Variants in SLC51A observed in about 807,000 individuals in gnomAD.
The protein encoded by SLC51A is solute carrier family 51 member A, also known as organic solute transporter subunit alpha.
Under a neutral mutation model 34.8 loss-of-function variants are expected in SLC51A, and 22 were observed. The ratio of observed to expected loss-of-function variants is 0.63; its 90% CI spans 0.45 to 0.90. The LOEUF is 0.90. Among genes scored for constraint, SLC51A ranks in the 40% least tolerant of loss-of-function variants. The pLI, the probability that SLC51A is intolerant of heterozygous loss-of-function variation, is 0.00. For missense variants in SLC51A, 371 were observed against 414.8 expected, an observed-to-expected ratio of 0.89 and a Z score of 0.92; for synonymous variants, 181 against 176.3, an observed-to-expected ratio of 1.03 and a Z score of -0.21.
intron 1 of SLC51A, among the ~76,000 whole-genome samples, chr3:196,217,120 G>A (rs759205950): frequency 6.6e-6 from 1 of 152,338 alleles, no homozygotes; most frequent in East Asian, 1.9e-4. Context: ...TGCCCGACCC[G>A]CATGGAGAGA....
At chr3:196,225,034 T>C (rs1450916269) in intron 2 of SLC51A, among the ~76,000 whole-genome samples, 1 of 151,522 alleles carries the variant, frequency 6.6e-6, no homozygotes, top group African/African-American at 2.4e-5. Flanking sequence ...CCTTTTTTTT[T>C]TTTTTTCACC....
chr3:196,223,226 A>G (rs146910433), intron 2 of SLC51A, among the ~76,000 whole-genome samples: 155 of 151,950 alleles, frequency 1.0e-3, no homozygotes, highest in African/African-American at 3.5e-3. Context: ...GAAAAAGTCT[A>G]TGAAATGCAG....
In SLC51A at chr3:196,216,696, C is replaced by T. The variant is rs373715815; in HGVS notation, c.-17C>T. The T allele has an allele frequency of 5.1e-6, 8 of 1,561,044 alleles. No individual in the cohort carries two copies. The African/African-American group carries it at 9.5e-5, about 19-fold the overall frequency. Reference sequence around the variant, plus strand: ...CCTCACCCCGGTGCCTGCGGGATTGCTGGAGAGAACGCGGCGATGGAGCCG... The same window carrying T: ...CCTCACCCCGGTGCCTGCGGGATTGTTGGAGAGAACGCGGCGATGGAGCCG... On this transcript the variant is annotated 5_prime_UTR_variant, in exon 1 of 9. Coordinates refer to ENST00000296327, the MANE Select transcript of SLC51A (RefSeq NM_152672.6). The surrounding 1 kb of genome is among the most constrained non-coding windows in gnomAD (Gnocchi z 4.5).
chr3:196,233,045 T>C lies in SLC51A; in HGVS notation c.887-18T>C. ...GTAACTCAGCATAACCTACGCTGTA[T>C]TTCACCCTACACTGCAGTGATGAAT... On this transcript the variant is annotated intron_variant, in intron 8 of 8. Coordinates refer to ENST00000296327, the MANE Select transcript of SLC51A (RefSeq NM_152672.6). The C allele has an allele frequency of 6.2e-7, 1 of 1,613,484 alleles. No homozygotes were observed. The highest frequency in any genetic ancestry group is 8.5e-7 in the Non-Finnish European group (1 of 1,179,634).
chr3:196,231,079 C>G (rs1444154267), intron 7 of SLC51A, among the ~76,000 whole-genome samples: 2 of 152,196 alleles, frequency 1.3e-5, no homozygotes, highest in Non-Finnish European at 2.9e-5. Context: ...GCTACAGGAC[C>G]TACCTACACC....
intron 7 of SLC51A, 159 bp downstream of exon 7, chr3:196,230,220 T>G (rs535998754): frequency 3.9e-6 from 3 of 760,944 alleles, no homozygotes; most frequent in South Asian, 4.6e-5. Context: ...GCTTCCCGCT[T>G]TTGTCTTTCT....
At position 196,228,191 on chromosome 3, in the gene SLC51A, A is replaced by G. The variant is rs753563705; in HGVS notation, c.439A>G (p.Thr147Ala). ...GFGGKEAVLR[T>A]LRDTPMMVHT... ...TGGGGGGAAGGAGGCAGTGCTGAGG[A>G]CGCTGAGGGACACCCCGATGATGGT... The change falls in exon 5 of 9, where the codon ACG (threonine) becomes GCG (alanine). Residue 147 changes from threonine (T) to alanine (A), a missense_variant. Coordinates refer to ENST00000296327, the MANE Select transcript of SLC51A (RefSeq NM_152672.6). This position sits in a 1 kb window ranked among gnomAD's most constrained non-coding sequence, Gnocchi z 4.9. 6.2e-7 allele frequency: 1 copy of G among 1,614,026 alleles called. No individual in the cohort carries two copies. The highest frequency in any genetic ancestry group is 8.5e-7 in the Non-Finnish European group (1 of 1,180,008).
intron 3 of SLC51A, chr3:196,227,438 A>T (rs568957325): frequency 1.7e-6 from 1 of 595,240 alleles, no homozygotes; most frequent in Admixed American, 3.0e-5. Flanking sequence ...GGAAAGTCTC[A>T]TTCCACAGGG....
chr3:196,222,985 T>G (rs1560152530), intron 2 of SLC51A, among the ~76,000 whole-genome samples: 1 of 151,848 alleles, frequency 6.6e-6, no homozygotes, highest in Non-Finnish European at 1.5e-5. Context: ...CCATTTGTGT[T>G]GAACAGTCAG....
chr3:196,225,191 C>T (rs1723865711), intron 2 of SLC51A, among the ~76,000 whole-genome samples: 1 of 152,062 alleles, frequency 6.6e-6, no homozygotes, highest in Non-Finnish European at 1.5e-5. Context: ...CCAGGCTGGT[C>T]TTGGACTCCT....
chr3:196,233,107 G>C lies in SLC51A; in HGVS notation c.931G>C (p.Val311Leu). The change falls in exon 9 of 9, where the codon GTG (valine) becomes CTG (leucine). Residue 311 changes from valine (V) to leucine (L), a missense_variant. Val to Leu is a conservative substitution (Grantham distance 32, BLOSUM62 1). Transcript: ENST00000296327. ...CATACTGGAGACTTTTCTAATGACTGTGCTGACACGAATGTACTACCGAAG... is the reference window on the plus strand; with the variant it reads ...CATACTGGAGACTTTTCTAATGACTCTGCTGACACGAATGTACTACCGAAG... ...LLILETFLMT[V>L]LTRMYYRRKD... 6.2e-7 allele frequency: 1 copy of C among 1,614,166 alleles called. No individual in the cohort carries two copies. Among genetic ancestry groups the C allele is most frequent in the South Asian group, 1.1e-5 (1 of 91,084 alleles).
chr3:196,218,112 G>A (rs1193413862), intron 2 of SLC51A, among the ~76,000 whole-genome samples, 176 bp downstream of exon 2: 1 of 152,220 alleles, frequency 6.6e-6, no homozygotes, highest in Admixed American at 6.5e-5. Context: ...AGGAGTCAGT[G>A]GGTCAAAAGG....
chr3:196,221,781 T>G (rs1267418499), intron 2 of SLC51A, among the ~76,000 whole-genome samples: 2 of 151,680 alleles, frequency 1.3e-5, no homozygotes, highest in Non-Finnish European at 2.9e-5. Flanking sequence ...AGTGGTGTGA[T>G]CTCAGCTCAC....
At chr3:196,224,813 G>C (rs1478109278) in intron 2 of SLC51A, among the ~76,000 whole-genome samples, 1 of 150,362 alleles carries the variant, frequency 6.7e-6, no homozygotes, top group Non-Finnish European at 1.5e-5. Context: ...GTGGAGGAGA[G>C]AGGCCTCAGG....
At chr3:196,222,643 A>C (rs1421286390) in intron 2 of SLC51A, among the ~76,000 whole-genome samples, 3 of 151,726 alleles carry the variant, frequency 2.0e-5, no homozygotes, top group Non-Finnish European at 4.4e-5. Flanking sequence ...CAAAAAAAAA[A>C]AAAAAGTTAA....
At position 196,216,763 on chromosome 3, in the gene SLC51A, G is replaced by A. The variant is rs972241553; in HGVS notation, c.38+13G>A. ...AGCTTGACCCCAGGTAAGTGAGGGC[G>A]GCGGGCCCTGGGCCAGTCGCTGGGC... On this transcript the variant is annotated intron_variant, in intron 1 of 8. Coordinates refer to ENST00000296327, the MANE Select transcript of SLC51A (RefSeq NM_152672.6). This position sits in a 1 kb window ranked among gnomAD's most constrained non-coding sequence, Gnocchi z 4.5. The A allele has an allele frequency of 1.4e-5, 22 of 1,568,430 alleles. No individual in the cohort carries two copies. The highest frequency in any genetic ancestry group is 4.1e-5 in the African/African-American group (3 of 73,914).
rs759398366 is a variant in SLC51A, at chr3:196,228,169, G to T, written c.417G>T (p.Gly139=). Residue 139 remains glycine (G), a synonymous_variant, in exon 5 of 9, where the codon GGG becomes GGT. Coordinates refer to ENST00000296327, the MANE Select transcript of SLC51A (RefSeq NM_152672.6). This position sits in a 1 kb window ranked among gnomAD's most constrained non-coding sequence, Gnocchi z 4.9. ...TGCTGGTCATGGTGGAAGGCTTTGG[G>T]GGGAAGGAGGCAGTGCTGAGGACGC... ...LLMLVMVEGF[G]GKEAVLRTLR... is the part of the protein sequence containing the mutation. 12 of 1,614,148 alleles carry T rather than the reference G, an allele frequency of 7.4e-6. No individual in the cohort carries two copies. The highest frequency in any genetic ancestry group is 9.3e-6 in the Non-Finnish European group (11 of 1,180,032).
intron 2 of SLC51A, among the ~76,000 whole-genome samples, chr3:196,218,713 G>T (rs189084600): frequency 6.6e-6 from 1 of 152,270 alleles, no homozygotes; most frequent in Admixed American, 6.5e-5. Context: ...GGTGCTCCTG[G>T]TCGTCCATCT....
At position 196,228,279 on chromosome 3, in the gene SLC51A, G is replaced by A. The variant is rs1271716855; in HGVS notation, c.521+6G>A. ...CCACGGCTGCTGCTCACCAGGTGAG[G>A]CGGGGCCAAGGTGCCTTCCCCAGGA... On this transcript the variant is annotated splice_donor_region_variant and intron_variant, in intron 5 of 8. Transcript: ENST00000296327. The surrounding 1 kb of genome is among the most constrained non-coding windows in gnomAD (Gnocchi z 4.9). 6.2e-7 allele frequency: 1 copy of A among 1,607,946 alleles called. No homozygotes were observed. Among genetic ancestry groups the A allele is most frequent in the Admixed American group, 1.7e-5 (1 of 59,868 alleles).
Sources: gnomAD v4.1 joint callset for allele counts (sites outside exome capture counted in the v4.1 genomes callset) on GRCh38, gnomAD v4.1.1 for gene constraint, Gnocchi (gnomAD v3.1) non-coding constraint, MANE v1.5 for transcripts, NCBI Gene and HGNC (gene_info 2026-07-23, HGNC 2026-07-21) for gene names.